Variants in ZNF280D observed in about 807,000 individuals in gnomAD.
ZNF280D encodes suppressor of hairy wing homolog 4.
In ZNF280D, 39 loss-of-function variants were observed where a neutral mutation model predicts 94.7. That is an observed-to-expected ratio of 0.41 (90% CI 0.32 to 0.54). The LOEUF is 0.54. Ranked by LOEUF, ZNF280D falls within the 20% of genes least tolerant of loss-of-function variation. ZNF280D has a pLI of 0.22. For synonymous variants in ZNF280D, 398 were observed against 377.6 expected (o/e 1.05, Z -0.63); for missense variants, 1,090 against 1,149.3 (o/e 0.95, Z 0.75).
chr15:56,690,812 C>T (rs573810465), intron 7 of ZNF280D, among the ~76,000 whole-genome samples: 3 of 152,022 alleles, frequency 2.0e-5, no homozygotes, highest in Non-Finnish European at 4.4e-5. Flanking sequence ...AGAAATGGTA[C>T]GGTAACTATA....
intron 1 of ZNF280D, among the ~76,000 whole-genome samples, chr15:56,710,030 A>C (rs1187339752): frequency 6.6e-6 from 1 of 152,242 alleles, no homozygotes; most frequent in Non-Finnish European, 1.5e-5. Context: ...TAAATACTAA[A>C]TCTGCTGCCA....
chr15:56,636,742 C>T (rs1441169376), intron 20 of ZNF280D, among the ~76,000 whole-genome samples: 3 of 152,072 alleles, frequency 2.0e-5, no homozygotes, highest in Non-Finnish European at 4.4e-5. Flanking sequence ...CCTCGGCCTC[C>T]CAAAGTGCTG....
chr15:56,658,274 T>C, intron 17 of ZNF280D, 150 bp downstream of exon 17: 1 of 580,492 alleles, frequency 1.7e-6, no homozygotes, highest in South Asian at 2.4e-5. Context: ...TAACTGGTGA[T>C]TGCTGCACAA....
At chr15:56,651,546 TA>T (rs1166944836) in intron 19 of ZNF280D, among the ~76,000 whole-genome samples, 2 of 150,830 alleles carry the variant, frequency 1.3e-5, no homozygotes, top group East Asian at 1.9e-4. Context: ...ATACATACTA[TA>T]AAAAAAAAGT....
chr15:56,637,040 T>C (rs1393673286), intron 20 of ZNF280D, among the ~76,000 whole-genome samples: 1 of 152,158 alleles, frequency 6.6e-6, no homozygotes, highest in Non-Finnish European at 1.5e-5. Context: ...TTAACAATCC[T>C]TCTCCCTGCC....
chr15:56,659,024 C>T (rs1251164326), intron 16 of ZNF280D, among the ~76,000 whole-genome samples: 1 of 151,668 alleles, frequency 6.6e-6, no homozygotes, highest in Non-Finnish European at 1.5e-5. Context: ...TACTAGTAGA[C>T]TTTTTTTCTT....
chr15:56,726,267 T>C (rs868171303), intron 1 of ZNF280D, among the ~76,000 whole-genome samples: 2 of 151,816 alleles, frequency 1.3e-5, no homozygotes, highest in Non-Finnish European at 2.9e-5. Flanking sequence ...AATGTGTGTA[T>C]TGGAGAGGGG....
chr15:56,672,665 T>G (rs541048658), intron 13 of ZNF280D, among the ~76,000 whole-genome samples: 6 of 151,532 alleles, frequency 4.0e-5, no homozygotes, highest in East Asian at 1.9e-4. Context: ...TTGTGTGTGT[T>G]TGTTTGTTTG....
intron 20 of ZNF280D, among the ~76,000 whole-genome samples, chr15:56,640,258 A>G (rs190063167): frequency 2.0e-5 from 3 of 152,122 alleles, no homozygotes; most frequent in East Asian, 1.9e-4. Context: ...GAATGCCCCT[A>G]TAAGTTTTGC....
intron 14 of ZNF280D, chr15:56,668,210 T>C: frequency 2.2e-6 from 1 of 451,520 alleles, no homozygotes; most frequent in Non-Finnish European, 4.4e-6. Flanking sequence ...TGCCTCTGTT[T>C]CCCTCCACTG....
chr15:56,649,942 T>A (rs2053112622), intron 19 of ZNF280D, among the ~76,000 whole-genome samples: 2 of 152,098 alleles, frequency 1.3e-5, no homozygotes, highest in South Asian at 2.1e-4. Flanking sequence ...CAGAATAAAG[T>A]GCTATTTCAC....
intron 7 of ZNF280D, among the ~76,000 whole-genome samples, chr15:56,692,799 GAGA>G (rs1293099024): frequency 6.6e-6 from 1 of 152,068 alleles, no homozygotes; most frequent in Non-Finnish European, 1.5e-5. Context: ...CAGGCTACCT[GAGA>G]AGTTCTCTAA....
At chr15:56,680,757 G>A (rs1272575647) in intron 10 of ZNF280D, among the ~76,000 whole-genome samples, 3 of 152,264 alleles carry the variant, frequency 2.0e-5, no homozygotes, top group African/African-American at 2.4e-5. Flanking sequence ...GATTACAGGC[G>A]TGAACCACCA....
chr15:56,679,346 G>C (rs1342117422), intron 10 of ZNF280D, among the ~76,000 whole-genome samples: 1 of 152,152 alleles, frequency 6.6e-6, no homozygotes, highest in East Asian at 1.9e-4. Flanking sequence ...CAAATTACTA[G>C]TATTTTTACT....
chr15:56,659,494 T>C (rs970315725), intron 16 of ZNF280D, among the ~76,000 whole-genome samples: 4 of 152,120 alleles, frequency 2.6e-5, no homozygotes, highest in African/African-American at 9.7e-5. Context: ...TTACAGTATA[T>C]TGTTATTATA....
intron 19 of ZNF280D, among the ~76,000 whole-genome samples, chr15:56,647,654 C>T (rs112049026): frequency 2.8e-4 from 42 of 152,256 alleles, no homozygotes; most frequent in African/African-American, 9.4e-4. Context: ...ATCACCATCT[C>T]CTGAGTAACT....
Position 56,666,549 on chromosome 15 carries a change from TA to T in ZNF280D, c.1854-15del, listed in dbSNP as rs1227751079. 1.2e-5 allele frequency: 19 copies of T among 1,564,868 alleles called. No homozygotes were observed. The highest frequency in any genetic ancestry group is 2.8e-5 in the African/African-American group (2 of 71,796). On this transcript the variant is annotated splice_polypyrimidine_tract_variant and intron_variant, in intron 15 of 21. Coordinates refer to ENST00000267807, the MANE Select transcript of ZNF280D (RefSeq NM_017661.4). ...CCCCGACGATACCTTAGGGAGACATTAAAAAAATGATAAAAATATATTTTAA... is the reference window on the plus strand; with the variant it reads ...CCCCGACGATACCTTAGGGAGACATTAAAAAATGATAAAAATATATTTTAA...
In ZNF280D at chr15:56,645,795, C is replaced by T. The variant is rs367759593; in HGVS notation, c.2214-2798G>A. On this transcript the variant is annotated intron_variant, in intron 19 of 21. Transcript: ENST00000267807. ...CTCCTGACCTCAGGTGATCCACCTG[C>T]CTCGGCCTTCCAAAGTGCTGGGATT... 5.7e-4 allele frequency among the ~76,000 whole-genome samples: 86 copies of T among 152,200 alleles called. 1 individual carries two copies. The highest frequency in any genetic ancestry group is 6.8e-3 in the Middle Eastern group (2 of 294).
At position 56,631,932 on chromosome 15, in the gene ZNF280D, C is replaced by CT. The variant is rs2052094788; in HGVS notation, c.2505dup (p.Val836SerfsTer29). The CT allele has an allele frequency of 6.2e-7, 1 of 1,613,794 alleles. No individual in the cohort carries two copies. The highest frequency in any genetic ancestry group is 8.5e-7 in the Non-Finnish European group (1 of 1,180,012). On this transcript the variant is annotated frameshift_variant, in exon 22 of 22. Transcript: ENST00000267807. LOFTEE classifies it low-confidence loss of function (END_TRUNC). ...TGTTGTATTTGTTTTTTCTTTTCCA[C>CT]TTTATCTGCACCAATATTTGAATCA...
Sources: gnomAD v4.1 joint callset for allele counts (sites outside exome capture counted in the v4.1 genomes callset) on GRCh38, gnomAD v4.1.1 for gene constraint, MANE v1.5 for transcripts, NCBI Gene and HGNC (gene_info 2026-07-23, HGNC 2026-07-21) for gene names.